Variants in ASZ1 observed in about 807,000 individuals in gnomAD.
The protein encoded by ASZ1 is ankyrin repeat, SAM and basic leucine zipper domain containing 1.
In ASZ1, 67 loss-of-function variants were observed where a neutral mutation model predicts 61.8. The observed-to-expected ratio is 1.08, with a 90% CI of 0.89 to 1.33. The LOEUF is 1.33. Ranked by LOEUF, ASZ1 falls within the 40% of genes most tolerant of loss-of-function variation. ASZ1 has a pLI of 0.00. For synonymous variants in ASZ1, 193 were observed against 192.7 expected, an observed-to-expected ratio of 1.00 and a Z score of -0.01; for missense variants, 577 against 554.5, an observed-to-expected ratio of 1.04 and a Z score of -0.41.
At chr7:117,413,016 G>T (rs1363155124) in intron 4 of ASZ1, among the ~76,000 whole-genome samples, 2 of 151,558 alleles carry the variant, frequency 1.3e-5, no homozygotes, top group Non-Finnish European at 3.0e-5. Flanking sequence ...TGGTAACATT[G>T]TTCTGTTCCC....
intron 10 of ASZ1, among the ~76,000 whole-genome samples, chr7:117,373,650 C>T (rs1275254014): frequency 6.6e-6 from 1 of 152,098 alleles, no homozygotes; most frequent in Non-Finnish European, 1.5e-5. Context: ...TCCATAACAG[C>T]ATGTAAACAA....
intron 4 of ASZ1, among the ~76,000 whole-genome samples, chr7:117,386,706 C>G (rs1360258836): frequency 1.3e-5 from 2 of 152,138 alleles, no homozygotes; most frequent in Admixed American, 6.6e-5. Context: ...ATTGGTTATT[C>G]ACATTACATA....
chr7:117,385,632 A>G, intron 5 of ASZ1, 66 bp downstream of exon 5: 1 of 1,315,066 alleles, frequency 7.6e-7, no homozygotes, highest in Non-Finnish European at 1.1e-6. Flanking sequence ...ACTTCTTAAA[A>G]TTCTTTTTTT....
At chr7:117,372,663 A>G (rs1796069239) in intron 10 of ASZ1, among the ~76,000 whole-genome samples, 1 of 152,218 alleles carries the variant, frequency 6.6e-6, no homozygotes, top group African/African-American at 2.4e-5. Context: ...TTTATAAGCA[A>G]AGGTATTATG....
chr7:117,406,583 GTC>G (rs1796786108), intron 4 of ASZ1, among the ~76,000 whole-genome samples: 2 of 152,040 alleles, frequency 1.3e-5, no homozygotes, highest in South Asian at 4.1e-4. Flanking sequence ...GTGAAACCCT[GTC>G]TCTATTAAAA....
intron 4 of ASZ1, among the ~76,000 whole-genome samples, chr7:117,387,828 C>A (rs1002977919): frequency 6.6e-6 from 1 of 152,178 alleles, no homozygotes; most frequent in African/African-American, 2.4e-5. Context: ...TCTTGCCTGT[C>A]CCCAGACCTT....
intron 4 of ASZ1, among the ~76,000 whole-genome samples, chr7:117,388,756 A>T (rs1796407064): frequency 6.6e-6 from 1 of 152,162 alleles, no homozygotes. Context: ...TCACATTTCT[A>T]CCCAACATTG....
intron 4 of ASZ1, among the ~76,000 whole-genome samples, chr7:117,391,279 C>A (rs189763386): frequency 6.6e-6 from 1 of 152,186 alleles, no homozygotes; most frequent in Non-Finnish European, 1.5e-5. Flanking sequence ...CTGATAGTTT[C>A]TTTTGCTGTG....
At chr7:117,369,286 G>A (rs1015386553) in intron 10 of ASZ1, among the ~76,000 whole-genome samples, 2 of 152,074 alleles carry the variant, frequency 1.3e-5, no homozygotes, top group African/African-American at 4.8e-5. Context: ...CAAGAGTACA[G>A]GGGTAAAGGT....
intron 10 of ASZ1, among the ~76,000 whole-genome samples, chr7:117,373,729 A>C (rs945146999): frequency 8.5e-5 from 13 of 152,182 alleles, no homozygotes; most frequent in Admixed American, 7.9e-4. Flanking sequence ...TTTTAAAAAA[A>C]TTCAGTAGCT....
At chr7:117,371,177 C>T (rs1796044478) in intron 10 of ASZ1, among the ~76,000 whole-genome samples, 1 of 152,034 alleles carries the variant, frequency 6.6e-6, no homozygotes, top group Admixed American at 6.6e-5. Flanking sequence ...GAAGTTTTGA[C>T]TACATACTAT....
chr7:117,378,317 A>G (rs572788705), intron 10 of ASZ1, among the ~76,000 whole-genome samples: 1 of 152,308 alleles, frequency 6.6e-6, no homozygotes, highest in African/African-American at 2.4e-5. Flanking sequence ...TTCAATGTAG[A>G]TAACTCCCAA....
rs1048554850 is a variant in ASZ1 at position 117,423,687 on chromosome 7, T to C, written c.206-1328A>G. Among the ~76,000 whole-genome samples the C allele has an allele frequency of 1.9e-4, 7 of 37,240 alleles. No individual in the cohort carries two copies. The East Asian group carries it at 4.7e-3, about 25-fold the overall frequency. 24.4% of individuals were successfully genotyped at this position (37,240 alleles called of 152,430 possible). A position where few individuals can be genotyped will look rare whatever the true frequency, so the allele number is the denominator to read the frequency against. On this transcript the variant is annotated intron_variant, in intron 2 of 12. Coordinates refer to ENST00000284629, the MANE Select transcript of ASZ1 (RefSeq NM_130768.3). Reference sequence around the variant, plus strand: ...AGTGAAACCCTGTTTCTACTAAAAATACAAAAAAAAAAAAAAAAAAAAAAA... The same window carrying C: ...AGTGAAACCCTGTTTCTACTAAAAACACAAAAAAAAAAAAAAAAAAAAAAA...
intron 4 of ASZ1, among the ~76,000 whole-genome samples, chr7:117,414,988 G>C (rs1164132587): frequency 6.6e-6 from 1 of 152,118 alleles, no homozygotes; most frequent in Non-Finnish European, 1.5e-5. Context: ...AATCCTTTGA[G>C]TATATACCTA....
chr7:117,363,704 C>T lies in ASZ1; in HGVS notation c.1320G>A (p.Arg440=). ...TACTATTCCATGTAGATACTTCTTC[C>T]CTTAATTGTATATGAGTTGGATCAT... ...RENDPTHIQL[R]EEVSTWNSRI... is the part of the protein sequence containing the mutation. The change falls in exon 13 of 13, where the codon AGG becomes AGA. Residue 440 remains arginine (R), a synonymous_variant. Transcript: ENST00000284629. The T allele has an allele frequency of 1.2e-6, 2 of 1,602,422 alleles. No homozygotes were observed. Among genetic ancestry groups the T allele is most frequent in the African/African-American group, 1.3e-5 (1 of 74,612 alleles).
At chr7:117,418,800 A>C (rs992763787) in intron 4 of ASZ1, among the ~76,000 whole-genome samples, 1 of 152,090 alleles carries the variant, frequency 6.6e-6, no homozygotes, top group Non-Finnish European at 1.5e-5. Flanking sequence ...CGTCTCTACA[A>C]AAATACAAAA....
chr7:117,373,047 A>G (rs1796076646), intron 10 of ASZ1, among the ~76,000 whole-genome samples: 1 of 152,118 alleles, frequency 6.6e-6, no homozygotes, highest in African/African-American at 2.4e-5. Flanking sequence ...ACATCTATAT[A>G]GATTTTTTGG....
Position 117,383,061 on chromosome 7 carries a change from T to C in ASZ1, c.737A>G (p.Gln246Arg). 2 of 1,585,250 alleles carry C rather than the reference T, an allele frequency of 1.3e-6. No homozygotes were observed. Among genetic ancestry groups the C allele is most frequent in the Non-Finnish European group, 1.7e-6 (2 of 1,168,220 alleles). Residue 246 changes from glutamine to arginine, a missense_variant, in exon 7 of 13, where the codon CAA becomes CGA. Coordinates refer to ENST00000284629, the MANE Select transcript of ASZ1 (RefSeq NM_130768.3). ...AATAGTGTCTTCTTTAGTTAGCTGT[T>C]GAAGTTTTCCTTCCAATGGATTTAA... ...FTLNPLEGKLQQLTKEDTICK... is the reference protein window; with the variant it reads ...FTLNPLEGKLRQLTKEDTICK...
chr7:117,375,048 T>C (rs1035240567), intron 10 of ASZ1, among the ~76,000 whole-genome samples: 5 of 151,912 alleles, frequency 3.3e-5, no homozygotes, highest in African/African-American at 7.2e-5. Context: ...GAGAAAACCA[T>C]TGTAAAAGAA....
Sources: gnomAD v4.1 joint callset for allele counts (sites outside exome capture counted in the v4.1 genomes callset) on GRCh38, gnomAD v4.1.1 for gene constraint, MANE v1.5 for transcripts, NCBI Gene and HGNC (gene_info 2026-07-23, HGNC 2026-07-21) for gene names.